Variants in TRMT11 observed in about 807,000 individuals in gnomAD.
The protein encoded by TRMT11 is tRNA (guanine(10)-N(2))-methyltransferase TRMT11.
Under a neutral mutation model 62.8 loss-of-function variants are expected in TRMT11, and 53 were observed. The observed-to-expected ratio is 0.84, with a 90% CI of 0.68 to 1.06. The LOEUF (loss-of-function observed/expected upper bound fraction) is 1.06, where lower values mean the gene tolerates loss of function less well. Among genes scored for constraint, TRMT11 ranks in the 50% least tolerant of loss-of-function variants. The pLI is 0.00. For missense variants in TRMT11, 556 were observed against 553.4 expected (o/e 1.00, Z -0.05); for synonymous variants, 188 against 190.3 (o/e 0.99, Z 0.10).
rs543239293 is a variant in TRMT11, at chr6:126,171,720, T to C, written c.*1824-3105T>C. Among the ~76,000 whole-genome samples the C allele has an allele frequency of 2.0e-5, 3 of 152,184 alleles. No homozygotes were observed. In the East Asian group the frequency reaches 5.8e-4, roughly 29 times the overall value. ...TCTTGAGAAACTGTGTCTTTAAAGA[T>C]TTTTTCTTTTTTTAAGAGAGAGAGT... On this transcript the variant is annotated intron_variant and NMD_transcript_variant, in intron 21 of 22. Transcript: ENST00000648977.
chr6:126,229,587 GA>G, the TRMT11 span, among the ~76,000 whole-genome samples: 1 of 152,140 alleles, frequency 6.6e-6, no homozygotes, highest in South Asian at 2.1e-4. Flanking sequence ...GCCAATCCTT[GA>G]AGTACAAAAG....
intron 17 of TRMT11, among the ~76,000 whole-genome samples, chr6:126,095,098 C>T (rs1034905897): frequency 3.3e-5 from 5 of 152,132 alleles, no homozygotes; most frequent in Non-Finnish European, 5.9e-5. Flanking sequence ...TTAGGTCTGG[C>T]GCTGACCTTG....
chr6:126,240,419 C>A, the TRMT11 span, among the ~76,000 whole-genome samples: 1 of 152,054 alleles, frequency 6.6e-6, no homozygotes, highest in Non-Finnish European at 1.5e-5. Context: ...GTTAGTTTTC[C>A]TTCTAACAGT....
At chr6:126,152,535 A>G (rs1443329357) in intron 21 of TRMT11, among the ~76,000 whole-genome samples, 1 of 152,174 alleles carries the variant, frequency 6.6e-6, no homozygotes, top group East Asian at 1.9e-4. Context: ...CTAAATGAAG[A>G]GATTACTGGG....
At chr6:126,011,061 C>T (rs997232500) in intron 8 of TRMT11, among the ~76,000 whole-genome samples, 192 bp from the exon 9 acceptor site, 1 of 152,128 alleles carries the variant, frequency 6.6e-6, no homozygotes, top group African/African-American at 2.4e-5. Context: ...ATAAGTTAGA[C>T]ATCAGTACAT....
chr6:126,043,721 T>C (rs1165613342), downstream of TRMT11, among the ~76,000 whole-genome samples: 5 of 150,934 alleles, frequency 3.3e-5, no homozygotes, highest in Admixed American at 6.6e-5. Flanking sequence ...ACCTGTTGTT[T>C]CCTGACTTTT....
the TRMT11 span, among the ~76,000 whole-genome samples, chr6:126,223,149 C>T: frequency 2.0e-5 from 3 of 152,182 alleles, no homozygotes; most frequent in Non-Finnish European, 4.4e-5. Flanking sequence ...AGGCTGGGCG[C>T]AGTGGCTCAT....
the TRMT11 span, among the ~76,000 whole-genome samples, chr6:126,266,715 T>C: frequency 1.3e-5 from 2 of 152,210 alleles, no homozygotes; most frequent in Admixed American, 1.3e-4. Context: ...TGGAACATAA[T>C]CAAATTTTAT....
chr6:126,265,699 G>T, the TRMT11 span, among the ~76,000 whole-genome samples: 1 of 152,042 alleles, frequency 6.6e-6, no homozygotes, highest in Non-Finnish European at 1.5e-5. Flanking sequence ...GACAAAAAAT[G>T]GACCAGGCTT....
intron 16 of TRMT11, among the ~76,000 whole-genome samples, chr6:126,047,477 C>T (rs1054673370): frequency 3.3e-5 from 5 of 151,876 alleles, no homozygotes; most frequent in South Asian, 4.2e-4. Flanking sequence ...CCATCCATCC[C>T]GCTGAGAGCC....
chr6:126,114,889 G>T (rs1324487289), intron 19 of TRMT11, among the ~76,000 whole-genome samples: 1 of 152,002 alleles, frequency 6.6e-6, no homozygotes, highest in Non-Finnish European at 1.5e-5. Context: ...GGACTAAATG[G>T]TATCACATTT....
At chr6:126,032,980 A>G (rs1408072529) in intron 12 of TRMT11, among the ~76,000 whole-genome samples, 1 of 152,206 alleles carries the variant, frequency 6.6e-6, no homozygotes, top group Non-Finnish European at 1.5e-5. Context: ...TTCAAAAATC[A>G]GTGGGACAAA....
intron 12 of TRMT11, among the ~76,000 whole-genome samples, chr6:126,023,617 C>T (rs1796144813): frequency 6.6e-6 from 1 of 152,102 alleles, no homozygotes; most frequent in African/African-American, 2.4e-5. Flanking sequence ...CACTGCACTC[C>T]AGCCTGGTGA....
At chr6:126,192,728 A>C (rs894577837) in intron 1 of TRMT11, among the ~76,000 whole-genome samples, 1 of 152,182 alleles carries the variant, frequency 6.6e-6, no homozygotes, top group Admixed American at 6.5e-5. Flanking sequence ...GTTTCTGTTG[A>C]TATGATGTAT....
chr6:126,014,524 T>C (rs1311388904), intron 11 of TRMT11, among the ~76,000 whole-genome samples: 1 of 152,218 alleles, frequency 6.6e-6, no homozygotes, highest in Non-Finnish European at 1.5e-5. Context: ...GTTGGGATTA[T>C]AGGCGTGAGC....
chr6:126,059,841 C>T (rs1776480228), intron 17 of TRMT11, among the ~76,000 whole-genome samples: 1 of 152,184 alleles, frequency 6.6e-6, no homozygotes, highest in Non-Finnish European at 1.5e-5. Flanking sequence ...GCCCATTCAT[C>T]TCAATGTCTA....
At chr6:126,210,193 A>C in the TRMT11 span, among the ~76,000 whole-genome samples, 2 of 152,328 alleles carry the variant, frequency 1.3e-5, no homozygotes, top group South Asian at 4.1e-4. Context: ...TGGAGCCTTT[A>C]AAAGAGGGTC....
At chr6:125,997,868 A>T (rs1168407835) in intron 3 of TRMT11, among the ~76,000 whole-genome samples, 185 bp from the exon 4 acceptor site, 1 of 152,236 alleles carries the variant, frequency 6.6e-6, no homozygotes, top group Non-Finnish European at 1.5e-5. Context: ...TGGAGAAGAC[A>T]TTGGGAATAA....
downstream of TRMT11, among the ~76,000 whole-genome samples, chr6:126,204,283 C>T (rs955582396): frequency 5.3e-5 from 8 of 152,174 alleles, no homozygotes; most frequent in African/African-American, 1.9e-4. Flanking sequence ...GTGCAGAATG[C>T]ATCACCTCAG....
Sources: gnomAD v4.1 joint callset for allele counts (sites outside exome capture counted in the v4.1 genomes callset) on GRCh38, gnomAD v4.1.1 for gene constraint, MANE v1.5 for transcripts, NCBI Gene and HGNC (gene_info 2026-07-23, HGNC 2026-07-21) for gene names.